The following CCDC183 variants were observed in gnomAD, a reference collection of about 807,000 sequenced individuals.
CCDC183 encodes coiled-coil domain containing 183.
A neutral mutation model predicts 65.2 loss-of-function variants in CCDC183; 63 were observed. The observed-to-expected ratio is 0.97, with a 90% confidence interval of 0.79 to 1.19. The LOEUF is 1.19. Ranked by LOEUF, CCDC183 falls within the 50% of genes most tolerant of loss-of-function variation. The pLI, the probability that CCDC183 is intolerant of heterozygous loss-of-function variation, is 0.00. For synonymous variants in CCDC183, 323 were observed against 276.5 expected (o/e 1.17, Z -1.67); for missense variants, 769 against 689.3 (o/e 1.12, Z -1.30).
chr9:136,805,169 CT>C (rs1847819888), intron 8 of CCDC183, 187 bp from the exon 9 acceptor site: 1 of 603,710 alleles, frequency 1.7e-6, no homozygotes, highest in African/African-American at 1.9e-5. Flanking sequence ...CTGGGGCTGC[CT>C]GGGGCGTCCC....
rs1269238923 is a variant in CCDC183, at chr9:136,799,139, G to A, written c.108G>A (p.Glu36=). The change falls in exon 2 of 14, where the codon GAG becomes GAA. Residue 36 remains glutamate (E), a synonymous_variant. Coordinates refer to ENST00000338005, the MANE Select transcript of CCDC183 (RefSeq NM_001039374.5). ...CACTCCAGATCCAAGGGGTGAAAGA[G>A]AATATGGACCAGAACAAGGCCACGC... ...CRALQIQGVK[E]NMDQNKATLA... The A allele has an allele frequency of 6.2e-7, 1 of 1,613,398 alleles. No individual in the cohort carries two copies. The highest frequency in any genetic ancestry group is 8.5e-7 in the Non-Finnish European group (1 of 1,179,946).
intron 2 of CCDC183, 75 bp from the exon 3 acceptor site, chr9:136,799,638 G>A (rs910287650): frequency 7.8e-7 from 1 of 1,287,850 alleles, no homozygotes; most frequent in Admixed American, 1.8e-5. Flanking sequence ...GAGGCCCTGG[G>A]GAGAATGCCT....
At position 136,803,151 on chromosome 9, in the gene CCDC183, GCCCCCCAGGGCCA is replaced by G. The variant is rs1564350057; in HGVS notation, c.666+366_666+378del. Among the ~76,000 whole-genome samples, 44 of 55,708 alleles carry G rather than the reference GCCCCCCAGGGCCA, an allele frequency of 7.9e-4. 2 individuals are homozygous for G. The highest frequency in any genetic ancestry group is 1.8e-3 in the East Asian group (5 of 2,782). The allele number at this position is 55,708 out of a possible 152,430, so 36.5% of individuals were successfully genotyped here. ...GGTGAGCTCAGGGCCCAGGGCTGGG[GCCCCCCAGGGCCA>G]GCCCTCTTGGATCTTCGGATGGGGT... On this transcript the variant is annotated intron_variant, in intron 6 of 13. Transcript: ENST00000338005.
At chr9:136,796,497 C>CGAAAA in intron 1 of CCDC183, 30 bp downstream of exon 1, 1 of 1,516,848 alleles carries the variant, frequency 6.6e-7, no homozygotes, top group Non-Finnish European at 9.0e-7. Context: ...ACCAGTCTCC[C>CGAAAA]TTTCCCGTCT....
At chr9:136,803,687 G>A (rs1034447453) in intron 6 of CCDC183, among the ~76,000 whole-genome samples, 3 of 152,232 alleles carry the variant, frequency 2.0e-5, no homozygotes, top group Non-Finnish European at 4.4e-5. Flanking sequence ...CAGTGCTTGA[G>A]CTGGGCTGAG....
chr9:136,806,400 C>T, intron 10 of CCDC183, 104 bp from the exon 11 acceptor site: 1 of 1,497,186 alleles, frequency 6.7e-7, no homozygotes, highest in Non-Finnish European at 9.1e-7. Flanking sequence ...CTTCTGAGTC[C>T]CTGATTCTGG....
At chr9:136,807,368 TC>T in intron 13 of CCDC183, 1 of 728,304 alleles carries the variant, frequency 1.4e-6, no homozygotes, top group Non-Finnish European at 2.2e-6. Flanking sequence ...GGCCGGAGCT[TC>T]CACTGGGGGT....
At chr9:136,800,924 C>G (rs1223192335) in intron 5 of CCDC183, among the ~76,000 whole-genome samples, 3 of 152,210 alleles carry the variant, frequency 2.0e-5, no homozygotes, top group Non-Finnish European at 2.9e-5. Flanking sequence ...GCCAGCAGTC[C>G]GATTGTGAGG....
chr9:136,803,556 A>C (rs1250255288), intron 6 of CCDC183, among the ~76,000 whole-genome samples: 1 of 152,234 alleles, frequency 6.6e-6, no homozygotes, highest in East Asian at 1.9e-4. Context: ...GGACCGGGAC[A>C]GGCAGACCCT....
In CCDC183 at chr9:136,806,803, C is replaced by T. The variant is rs759534715; in HGVS notation, c.1325C>T (p.Ala442Val). The T allele has an allele frequency of 6.2e-7, 1 of 1,613,626 alleles. No homozygotes were observed. The highest frequency in any genetic ancestry group is 1.1e-5 in the South Asian group (1 of 91,080). ...ACCCTCGATTTGAACAGCAAGCTGG[C>T]GTACTGCGAGGGGAAGCTCACGTAC... ...SNTLDLNSKL[A>V]YCEGKLTYLA... The change falls in exon 12 of 14, where the codon GCG becomes GTG. Residue 442 changes from alanine to valine, a missense_variant. By Grantham distance (64) the Ala-to-Val change is moderately conservative. Coordinates refer to ENST00000338005, the MANE Select transcript of CCDC183 (RefSeq NM_001039374.5).
At chr9:136,799,825 T>G in intron 3 of CCDC183, 35 bp downstream of exon 3, 5 of 1,174,004 alleles carry the variant, frequency 4.3e-6, no homozygotes, top group Non-Finnish European at 4.8e-6. Flanking sequence ...GACCCAACCC[T>G]CCCCACCCCT....
chr9:136,804,942 G>A lies in CCDC183; in HGVS notation c.847+126G>A. The stretch of plus-strand genomic sequence containing the variant: ...ATGTGGTCGCCAGGGTGAAGGGAAG[G>A]ACAGGTCCCTGCCTCTCCCTCCAGA... On this transcript the variant is annotated intron_variant, in intron 8 of 13. Transcript: ENST00000338005. This position sits in a 1 kb window ranked among gnomAD's most constrained non-coding sequence, Gnocchi z 4.1. 1.3e-6 allele frequency: 1 copy of A among 786,828 alleles called. No homozygotes were observed. 48.7% of individuals were successfully genotyped at this position (786,828 alleles called of 1,614,324 possible). A position where few individuals can be genotyped will look rare whatever the true frequency, so the allele number is the denominator to read the frequency against.
intron 5 of CCDC183, chr9:136,800,766 C>G (rs1466953973): frequency 2.4e-6 from 1 of 416,798 alleles, no homozygotes; most frequent in Non-Finnish European, 4.4e-6. Flanking sequence ...CTGTCATTTT[C>G]TCATTGCCTG....
intron 1 of CCDC183, 138 bp from the exon 2 acceptor site, chr9:136,798,964 G>A (rs1847694779): frequency 8.7e-7 from 1 of 1,149,840 alleles, no homozygotes; most frequent in Admixed American, 2.6e-5. Context: ...AGGGCGGGAG[G>A]AGGGATCTTG....
At chr9:136,799,678 G>A (rs763728454) in intron 2 of CCDC183, 35 bp from the exon 3 acceptor site, 11 of 1,598,274 alleles carry the variant, frequency 6.9e-6, no homozygotes, top group Non-Finnish European at 9.4e-6. Flanking sequence ...GGTGCGCAAA[G>A]GGCCCGCTCT....
chr9:136,806,088 G>A lies in CCDC183; in HGVS notation c.959G>A (p.Ser320Asn), dbSNP rs1282174286. ...CCCCGGACTGGCCAGGACATCACTA[G>A]CCGCTTCCTGGCCCAGAGGAACACG... is the stretch of plus-strand genomic sequence containing the variant. ...VRCSHVWDIT[S>N]RFLAQRNTEE... The change falls in exon 10 of 14, where the codon AGC (serine) becomes AAC (asparagine). Residue 320 changes from serine to asparagine, a missense_variant. By Grantham distance (46) the Ser-to-Asn change is conservative. Coordinates refer to ENST00000338005, the MANE Select transcript of CCDC183 (RefSeq NM_001039374.5). 1 of 1,550,464 alleles carries A rather than the reference G, an allele frequency of 6.4e-7. No individual in the cohort carries two copies. Among genetic ancestry groups the A allele is most frequent in the South Asian group, 1.2e-5 (1 of 84,044 alleles).
rs755982521 is a variant in CCDC183 at position 136,799,803 on chromosome 9, G to A, written c.270+13G>A. 8.7e-6 allele frequency: 14 copies of A among 1,609,862 alleles called. No homozygotes were observed. The East Asian group carries it at 2.9e-4, about 33-fold the overall frequency. ...CAGCACCATGGAGGTAACCAGGCAG[G>A]AGGGGCCTCGAGACCCAACCCTCCC... On this transcript the variant is annotated intron_variant, in intron 3 of 13. Transcript: ENST00000338005.
In CCDC183 at chr9:136,799,130, G is replaced by A. The variant is rs746857371; in HGVS notation, c.99G>A (p.Gly33=). ...AGTGTCGGGCACTCCAGATCCAAGG[G>A]GTGAAAGAGAATATGGACCAGAACA... ...QEQCRALQIQ[G]VKENMDQNKA... is the part of the protein sequence containing the mutation. The change falls in exon 2 of 14, where the codon GGG becomes GGA. Residue 33 remains glycine, a synonymous_variant. Coordinates refer to ENST00000338005, the MANE Select transcript of CCDC183 (RefSeq NM_001039374.5). 4 of 1,613,372 alleles carry A rather than the reference G, an allele frequency of 2.5e-6. No individual in the cohort carries two copies. The South Asian group carries it at 4.4e-5, about 18-fold the overall frequency.
chr9:136,796,827 G>T (rs1847655590), intron 1 of CCDC183, among the ~76,000 whole-genome samples: 1 of 152,216 alleles, frequency 6.6e-6, no homozygotes, highest in Admixed American at 6.5e-5. Context: ...ACTGCAGAAA[G>T]CCGCAGGGAC....
Sources: gnomAD v4.1 joint callset for allele counts (sites outside exome capture counted in the v4.1 genomes callset) on GRCh38, gnomAD v4.1.1 for gene constraint, Gnocchi (gnomAD v3.1) non-coding constraint, MANE v1.5 for transcripts, NCBI Gene and HGNC (gene_info 2026-07-23, HGNC 2026-07-21) for gene names.